TM9SF3: variants seen among roughly 807,000 people sequenced by gnomAD.
TM9SF3 encodes transmembrane 9 superfamily member 3, also known as SM-11044-binding protein.
TM9SF3 carries 14 observed loss-of-function variants against 78.6 expected under a neutral mutation model. That is an observed-to-expected ratio of 0.18 (90% CI 0.12 to 0.28). The LOEUF is 0.28. Ranked by LOEUF, TM9SF3 falls within the 10% of genes least tolerant of loss-of-function variation. The pLI is 1.00. For synonymous variants in TM9SF3, 231 were observed against 241.7 expected (o/e 0.96, Z 0.41); for missense variants, 496 against 721.9 (o/e 0.69, Z 3.59).
chr10:96,533,008 A>T, intron 10 of TM9SF3, 43 bp downstream of exon 10: 1 of 1,608,906 alleles, frequency 6.2e-7, no homozygotes, highest in South Asian at 1.1e-5. Flanking sequence ...AAGAACTTAT[A>T]TATTGTGTGA....
intron 3 of TM9SF3, among the ~76,000 whole-genome samples, chr10:96,563,696 G>C (rs1848336822): frequency 6.6e-6 from 1 of 152,084 alleles, no homozygotes; most frequent in Admixed American, 6.5e-5. Context: ...ATTTCATTAA[G>C]GTTTATTTAC....
chr10:96,522,857 A>G (rs1847795261), intron 14 of TM9SF3, among the ~76,000 whole-genome samples: 1 of 151,852 alleles, frequency 6.6e-6, no homozygotes, highest in Non-Finnish European at 1.5e-5. Context: ...AAGTTGTAGA[A>G]GCTGTGTAGT....
At chr10:96,563,748 T>C (rs1407755510) in intron 3 of TM9SF3, among the ~76,000 whole-genome samples, 1 of 152,144 alleles carries the variant, frequency 6.6e-6, no homozygotes, top group Non-Finnish European at 1.5e-5. Context: ...AAAGACATAA[T>C]TATATCAAGT....
chr10:96,586,653 C>A, intron 1 of TM9SF3, 81 bp downstream of exon 1: 1 of 1,139,300 alleles, frequency 8.8e-7, no homozygotes, highest in Non-Finnish European at 1.1e-6. Flanking sequence ...GGCCGCCGGG[C>A]ACTCCAGGCT....
intron 5 of TM9SF3, among the ~76,000 whole-genome samples, chr10:96,558,323 A>C (rs1392024624): frequency 1.3e-5 from 2 of 152,136 alleles, no homozygotes; most frequent in Non-Finnish European, 2.9e-5. Flanking sequence ...TTTAGCTCCA[A>C]GAGTAGTATG....
At chr10:96,576,511 T>C (rs1848498266) in intron 2 of TM9SF3, 123 bp downstream of exon 2, 1 of 915,510 alleles carries the variant, frequency 1.1e-6, no homozygotes. Context: ...CTAGACATCC[T>C]AACATGTACA....
intron 2 of TM9SF3, among the ~76,000 whole-genome samples, chr10:96,568,714 C>CTGAAG (rs1848406381): frequency 6.6e-6 from 1 of 151,946 alleles, no homozygotes; most frequent in African/African-American, 2.4e-5. Flanking sequence ...GGCAAAGTCT[C>CTGAAG]TCTTCAAAGA....
At chr10:96,582,046 T>C (rs920182044) in intron 1 of TM9SF3, among the ~76,000 whole-genome samples, 2 of 152,178 alleles carry the variant, frequency 1.3e-5, no homozygotes, top group Non-Finnish European at 2.9e-5. Flanking sequence ...ATTCAAGTCA[T>C]TCAACAAGCA....
At position 96,570,123 on chromosome 10, in the gene TM9SF3, C is replaced by T. The variant is rs1219374854; in HGVS notation, c.299-4697G>A. On this transcript the variant is annotated intron_variant, in intron 2 of 14. Coordinates refer to ENST00000371142, the MANE Select transcript of TM9SF3 (RefSeq NM_020123.4). ...GTAATTAACAGTATGGGGACAAGCTCATAAAATGTCAAGAGAACAAAAGCA... is the reference window on the plus strand; with the variant it reads ...GTAATTAACAGTATGGGGACAAGCTTATAAAATGTCAAGAGAACAAAAGCA... 2.6e-5 allele frequency among the ~76,000 whole-genome samples: 4 copies of T among 152,164 alleles called. No homozygotes were observed. In the South Asian group the frequency reaches 6.2e-4, roughly 24 times the overall value.
intron 9 of TM9SF3, among the ~76,000 whole-genome samples, chr10:96,543,021 T>C (rs562274759): frequency 1.3e-5 from 2 of 152,324 alleles, no homozygotes; most frequent in East Asian, 3.9e-4. Flanking sequence ...ATTAACTGCC[T>C]GTACGATTGT....
intron 7 of TM9SF3, 63 bp downstream of exon 7, chr10:96,551,182 T>G (rs1848165031): frequency 3.0e-6 from 4 of 1,313,796 alleles, no homozygotes; most frequent in Non-Finnish European, 4.1e-6. Flanking sequence ...ACTTAAAAGA[T>G]TCCAGTGATT....
intron 2 of TM9SF3, among the ~76,000 whole-genome samples, chr10:96,565,926 C>G (rs967348788): frequency 1.3e-5 from 2 of 152,162 alleles, no homozygotes; most frequent in Admixed American, 1.3e-4. Flanking sequence ...AGTGACTATT[C>G]ATAAGCAGGA....
In TM9SF3 at chr10:96,522,233, T is replaced by C; in HGVS notation, c.*30A>G. The C allele has an allele frequency of 1.3e-6, 2 of 1,586,190 alleles. No individual in the cohort carries two copies. The highest frequency in any genetic ancestry group is 1.7e-6 in the Non-Finnish European group (2 of 1,165,140). On this transcript the variant is annotated 3_prime_UTR_variant, in exon 15 of 15. Transcript: ENST00000371142. ...AGTTCCACCCCTATGAAAAAGAAAT[T>C]GATCCAAAGTTCCAGGTTTTCTTGG...
At chr10:96,585,563 G>A (rs564568496) in intron 1 of TM9SF3, among the ~76,000 whole-genome samples, 24 of 152,284 alleles carry the variant, frequency 1.6e-4, no homozygotes, top group East Asian at 7.7e-4. Flanking sequence ...TGTGACCGAA[G>A]GTAGAACAGT....
At chr10:96,562,191 A>T in intron 3 of TM9SF3, 53 bp from the exon 4 acceptor site, 2 of 1,345,076 alleles carry the variant, frequency 1.5e-6, no homozygotes, top group Non-Finnish European at 2.0e-6. Flanking sequence ...TATTTAAAAT[A>T]TCCTACAAGC....
chr10:96,574,245 C>T (rs1564940155), intron 2 of TM9SF3, among the ~76,000 whole-genome samples: 1 of 152,068 alleles, frequency 6.6e-6, no homozygotes, highest in Non-Finnish European at 1.5e-5. Context: ...CAAACAACCC[C>T]ATCAAAAAGT....
At position 96,529,172 on chromosome 10, in the gene TM9SF3, T is replaced by C. The variant is rs77005848; in HGVS notation, c.1395-995A>G. ...ACTGGAACTAAAGAAGTTCCTGAAC[T>C]GACTTTAATAAACCACGAGTTACAG... On this transcript the variant is annotated intron_variant, in intron 11 of 14. Coordinates refer to ENST00000371142, the MANE Select transcript of TM9SF3 (RefSeq NM_020123.4). 4.6e-5 allele frequency among the ~76,000 whole-genome samples: 7 copies of C among 152,270 alleles called. No individual in the cohort carries two copies. In the South Asian group the frequency reaches 1.2e-3, roughly 27 times the overall value.
At chr10:96,546,770 C>T (rs907196488) in intron 8 of TM9SF3, among the ~76,000 whole-genome samples, 6 of 152,156 alleles carry the variant, frequency 3.9e-5, no homozygotes, top group Middle Eastern at 3.2e-3. Context: ...TATAATCCTA[C>T]GCTCCGATTT....
At chr10:96,563,380 T>A (rs1271820224) in intron 3 of TM9SF3, among the ~76,000 whole-genome samples, 4 of 151,890 alleles carry the variant, frequency 2.6e-5, no homozygotes, top group Non-Finnish European at 4.4e-5. Context: ...TAATTAATTT[T>A]TTTTTTTTTG....
Sources: gnomAD v4.1 joint callset for allele counts (sites outside exome capture counted in the v4.1 genomes callset) on GRCh38, gnomAD v4.1.1 for gene constraint, MANE v1.5 for transcripts, NCBI Gene and HGNC (gene_info 2026-07-23, HGNC 2026-07-21) for gene names.